Variants in TMBIM6 observed in about 807,000 individuals in gnomAD.
The protein encoded by TMBIM6 is transmembrane BAX inhibitor motif containing 6.
A neutral mutation model predicts 31.4 loss-of-function variants in TMBIM6; 13 were observed. That is an observed-to-expected ratio of 0.41 (90% CI 0.27 to 0.66). TMBIM6 has a LOEUF of 0.66. Among genes scored for constraint, TMBIM6 ranks in the 30% least tolerant of loss-of-function variants. The probability of loss-of-function intolerance (pLI) is 0.28; values close to 1 mark genes in which losing one functional copy is unlikely to be tolerated. For synonymous variants in TMBIM6, 85 were observed against 101.7 expected (o/e 0.84, Z 0.99); for missense variants, 275 against 289.5 (o/e 0.95, Z 0.36).
Position 49,762,972 on chromosome 12 carries a change from G to A in TMBIM6, c.*76G>A. On this transcript the variant is annotated 3_prime_UTR_variant, in exon 10 of 10. Transcript: ENST00000267115. Reference sequence around the variant, plus strand: ...TTTCCTTTTTGCACACATTACAGGTGGTGTGTTCTGTGATAATGAAAAGCA... The same window carrying A: ...TTTCCTTTTTGCACACATTACAGGTAGTGTGTTCTGTGATAATGAAAAGCA... 1 of 1,468,942 alleles carries A rather than the reference G, an allele frequency of 6.8e-7. No homozygotes were observed. The highest frequency in any genetic ancestry group is 9.4e-7 in the Non-Finnish European group (1 of 1,060,046). 91.0% of individuals were successfully genotyped at this position (1,468,942 alleles called of 1,614,324 possible).
At chr12:49,759,805 CAAAAAA>C (rs57668484) in intron 8 of TMBIM6, among the ~76,000 whole-genome samples, 7 of 91,702 alleles carry the variant, frequency 7.6e-5, no homozygotes, top group Non-Finnish European at 1.0e-4. Context: ...GACCCTGTCT[CAAAAAA>C]AAAAAAAAAA....
intron 3 of TMBIM6, 67 bp downstream of exon 3, chr12:49,753,148 GGT>G: frequency 8.0e-7 from 1 of 1,250,542 alleles, no homozygotes; most frequent in Non-Finnish European, 1.2e-6. Flanking sequence ...AGCTCAGCAA[GGT>G]GGTCCAAGGG....
At chr12:49,747,157 A>G (rs1193606110) in intron 1 of TMBIM6, among the ~76,000 whole-genome samples, 1 of 151,958 alleles carries the variant, frequency 6.6e-6, no homozygotes, top group African/African-American at 2.4e-5. Flanking sequence ...CTTTTAAACT[A>G]TATGGGATTT....
chr12:49,753,056 T>C lies in TMBIM6; in HGVS notation c.140T>C (p.Val47Ala). 1 of 1,613,984 alleles carries C rather than the reference T, an allele frequency of 6.2e-7. No individual in the cohort carries two copies. Residue 47 changes from valine to alanine, a missense_variant, in exon 3 of 10, where the codon GTC becomes GCC. Transcript: ENST00000267115. ...TTTGTGGCGGCTGCAGGGGCCTATGTCCATATGGTCACTCATTTCATTCAG... is the reference window on the plus strand; with the variant it reads ...TTTGTGGCGGCTGCAGGGGCCTATGCCCATATGGTCACTCATTTCATTCAG... ...CMFVAAAGAY[V>A]HMVTHFIQAG...
chr12:49,741,938 T>C, intron 1 of TMBIM6: 1 of 772,478 alleles, frequency 1.3e-6, no homozygotes, highest in Middle Eastern at 3.9e-4. Flanking sequence ...TCCCGCTCCT[T>C]CTCCTCTACT....
At chr12:49,754,173 G>A (rs543829531) in intron 3 of TMBIM6, among the ~76,000 whole-genome samples, 44 of 152,194 alleles carry the variant, frequency 2.9e-4, no homozygotes, top group African/African-American at 1.0e-3. Context: ...GGTTTTTTGA[G>A]TGGAGGTCTT....
In TMBIM6 at chr12:49,764,507, C is replaced by T. The variant is rs1030995948; in HGVS notation, c.*1611C>T. The T allele has an allele frequency of 3.3e-5, 5 of 152,566 alleles. No individual in the cohort carries two copies. The highest frequency in any genetic ancestry group is 1.2e-4 in the African/African-American group (5 of 41,416). The allele number at this position is 152,566 out of a possible 1,614,324, so 9.5% of individuals were successfully genotyped here. On this transcript the variant is annotated 3_prime_UTR_variant, in exon 10 of 10. Transcript: ENST00000267115. ...AGGATGCTGTCCTCTGATTTAGCTG[C>T]TGCCTCCAGCCTCTGGCTTGAGAAC...
rs748806000 is a variant in TMBIM6, at chr12:49,758,217, T to G, written c.287-10T>G. On this transcript the variant is annotated splice_polypyrimidine_tract_variant and intron_variant, in intron 4 of 9. Transcript: ENST00000267115. ...TCGTAATACTGTGTTCTGGGTTTTC[T>G]GTTTTCTAGGAGTTGGCCTGGGCCC... 2 of 1,614,228 alleles carry G rather than the reference T, an allele frequency of 1.2e-6. No homozygotes were observed. The highest frequency in any genetic ancestry group is 1.7e-5 in the Admixed American group (1 of 60,026).
intron 1 of TMBIM6, among the ~76,000 whole-genome samples, chr12:49,742,789 T>G (rs2136921813): frequency 6.6e-6 from 1 of 152,338 alleles, no homozygotes; most frequent in East Asian, 1.9e-4. Context: ...CTTTGGTGTT[T>G]TCTTATTCTT....
At chr12:49,760,098 C>T (rs1282542587) in intron 8 of TMBIM6, among the ~76,000 whole-genome samples, 4 of 133,998 alleles carry the variant, frequency 3.0e-5, no homozygotes, top group Non-Finnish European at 6.2e-5. Flanking sequence ...GACGACAGAG[C>T]GAGACTCCTT....
chr12:49,746,217 G>A (rs1348774901), intron 1 of TMBIM6, among the ~76,000 whole-genome samples: 1 of 151,684 alleles, frequency 6.6e-6, no homozygotes, highest in Non-Finnish European at 1.5e-5. Context: ...CAAGTAGCTG[G>A]GATTATAGGC....
At chr12:49,751,173 G>T (rs1945487028) in intron 1 of TMBIM6, among the ~76,000 whole-genome samples, 1 of 152,148 alleles carries the variant, frequency 6.6e-6, no homozygotes, top group South Asian at 2.1e-4. Context: ...GTGTTGATAT[G>T]ATCTAACCTG....
chr12:49,763,042 T>C lies in TMBIM6; in HGVS notation c.*146T>C. On this transcript the variant is annotated 3_prime_UTR_variant, in exon 10 of 10. Coordinates refer to ENST00000267115, the MANE Select transcript of TMBIM6 (RefSeq NM_003217.3). ...TTGTGGTTTCCTCTATTTTGAATTT[T>C]TTGATCAAAAAACTGATTAGCAGAA... is the stretch of plus-strand genomic sequence containing the variant. 1 of 935,378 alleles carries C rather than the reference T, an allele frequency of 1.1e-6. No individual in the cohort carries two copies. Among genetic ancestry groups the C allele is most frequent in the Non-Finnish European group, 1.6e-6 (1 of 626,938 alleles). 57.9% of individuals were successfully genotyped at this position (935,378 alleles called of 1,614,324 possible).
At chr12:49,746,430 A>C (rs1042077652) in intron 1 of TMBIM6, among the ~76,000 whole-genome samples, 3 of 152,158 alleles carry the variant, frequency 2.0e-5, no homozygotes, top group Non-Finnish European at 4.4e-5. Context: ...ACCAGTAATA[A>C]CAATGTTAGT....
At chr12:49,743,241 T>G (rs889998076) in intron 1 of TMBIM6, among the ~76,000 whole-genome samples, 1 of 148,078 alleles carries the variant, frequency 6.8e-6, no homozygotes, top group Non-Finnish European at 1.5e-5. Flanking sequence ...TTATTATTAT[T>G]ATGTTTTTTT....
At chr12:49,742,228 TTCCAGGCCCACGGGGCGGCCC>T (rs1280190069) in intron 1 of TMBIM6, 4 of 1,613,120 alleles carry the variant, frequency 2.5e-6, no homozygotes, top group African/African-American at 1.3e-5. Context: ...TGGGGCTGCC[TTCCAGGCCCACGGGGCGGCCC>T]CGCTCTTTTC....
At chr12:49,754,688 A>G (rs1319795208) in intron 3 of TMBIM6, among the ~76,000 whole-genome samples, 8 of 152,220 alleles carry the variant, frequency 5.3e-5, no homozygotes, top group African/African-American at 1.4e-4. Context: ...TTCAGTGTCT[A>G]CGTCCATCCT....
chr12:49,749,435 A>ATTTTTTTTTT (rs372622355), intron 1 of TMBIM6, among the ~76,000 whole-genome samples: 1,457 of 136,164 alleles, frequency 0.011, 27 homozygotes, highest in African/African-American at 0.013. Flanking sequence ...TTTGTAAGTC[A>ATTTTTTTTTT]TTTTTGTTTT....
At chr12:49,744,531 T>TGAC (rs1218841507) in intron 1 of TMBIM6, 1 of 152,218 alleles carries the variant, frequency 6.6e-6, no homozygotes, top group Admixed American at 6.5e-5. Flanking sequence ...GTTACCTAAG[T>TGAC]GACCCCTTGA....
Sources: gnomAD v4.1 joint callset for allele counts (sites outside exome capture counted in the v4.1 genomes callset) on GRCh38, gnomAD v4.1.1 for gene constraint, MANE v1.5 for transcripts, NCBI Gene and HGNC (gene_info 2026-07-23, HGNC 2026-07-21) for gene names.